NSRP1: variants seen among roughly 807,000 people sequenced by gnomAD.
The protein encoded by NSRP1 is nuclear speckle splicing regulatory protein 1, also known as coiled-coil domain containing 55.
In NSRP1, 24 loss-of-function variants were observed where a neutral mutation model predicts 54.7. The ratio of observed to expected loss-of-function variants is 0.44; its 90% CI spans 0.32 to 0.62. The LOEUF (loss-of-function observed/expected upper bound fraction) is 0.62, where lower values mean the gene tolerates loss of function less well. NSRP1 is among the 20% of genes least tolerant of loss of function. NSRP1 has a pLI of 0.06. For missense variants in NSRP1, 596 were observed against 651.2 expected (o/e 0.92, Z 0.92); for synonymous variants, 210 against 213.8 (o/e 0.98, Z 0.15).
At chr17:30,182,803 G>A (rs894289882) in intron 6 of NSRP1, among the ~76,000 whole-genome samples, 1 of 150,428 alleles carries the variant, frequency 6.6e-6, no homozygotes, top group Non-Finnish European at 1.5e-5. Flanking sequence ...GCGTGGTGGC[G>A]GGCGCCTGTT....
chr17:30,157,895 G>T (rs994722021), intron 2 of NSRP1, among the ~76,000 whole-genome samples: 3 of 152,116 alleles, frequency 2.0e-5, no homozygotes, highest in African/African-American at 7.2e-5. Context: ...CCGTTTATCT[G>T]TTGCTGGGCA....
chr17:30,180,807 C>A (rs117046055), intron 5 of NSRP1, 101 bp from the exon 6 acceptor site: 3 of 704,642 alleles, frequency 4.3e-6, no homozygotes, highest in Non-Finnish European at 7.3e-6. Flanking sequence ...CCTGATCCAG[C>A]GAGTAGTTTA....
At chr17:30,135,109 TTTTA>T (rs1567792472) in intron 2 of NSRP1, among the ~76,000 whole-genome samples, 3 of 151,944 alleles carry the variant, frequency 2.0e-5, no homozygotes, top group African/African-American at 7.3e-5. Context: ...ATCATAATTG[TTTTA>T]TTTCTTTCTT....
At chr17:30,141,020 T>C (rs539301582) in intron 2 of NSRP1, among the ~76,000 whole-genome samples, 1 of 152,302 alleles carries the variant, frequency 6.6e-6, no homozygotes, top group African/African-American at 2.4e-5. Flanking sequence ...GAGGTCTTGC[T>C]GTGTTGTCCA....
chr17:30,151,952 A>G (rs2071915679), intron 2 of NSRP1, among the ~76,000 whole-genome samples: 1 of 151,246 alleles, frequency 6.6e-6, no homozygotes, highest in Non-Finnish European at 1.5e-5. Flanking sequence ...TATTTTTAGT[A>G]GATACAGGGT....
chr17:30,184,054 T>C (rs1905415473), intron 6 of NSRP1, among the ~76,000 whole-genome samples: 1 of 152,084 alleles, frequency 6.6e-6, no homozygotes, highest in African/African-American at 2.4e-5. Context: ...ATACAAAAAT[T>C]AGCTGGGCAT....
intron 2 of NSRP1, among the ~76,000 whole-genome samples, chr17:30,170,472 G>C (rs1306327463): frequency 6.6e-6 from 1 of 151,940 alleles, no homozygotes; most frequent in Non-Finnish European, 1.5e-5. Context: ...CCCACCCCTA[G>C]TAACCATTGT....
chr17:30,143,708 G>T (rs1402783893), intron 2 of NSRP1, among the ~76,000 whole-genome samples: 1 of 152,058 alleles, frequency 6.6e-6, no homozygotes, highest in Non-Finnish European at 1.5e-5. Flanking sequence ...GCAATAATTG[G>T]AAAACATGTC....
At chr17:30,147,407 G>T (rs2071866205) in intron 2 of NSRP1, among the ~76,000 whole-genome samples, 1 of 152,014 alleles carries the variant, frequency 6.6e-6, no homozygotes, top group African/African-American at 2.4e-5. Flanking sequence ...TGGGATTACA[G>T]GTGTGAGCCA....
intron 3 of NSRP1, among the ~76,000 whole-genome samples, chr17:30,175,333 G>A (rs991305029): frequency 2.0e-5 from 3 of 151,976 alleles, no homozygotes; most frequent in Non-Finnish European, 2.9e-5. Flanking sequence ...TGAACATAAC[G>A]GAGGTTTTTG....
intron 2 of NSRP1, chr17:30,122,349 T>TGTGTGTGTGTATATATA (rs1481107161): frequency 2.8e-5 from 2 of 72,316 alleles, no homozygotes; most frequent in African/African-American, 1.1e-4. Flanking sequence ...ATAACTCTGG[T>TGTGTGTGTGTATATATA]TTCATATATA....
chr17:30,139,458 A>C (rs1166816543), intron 2 of NSRP1, among the ~76,000 whole-genome samples: 1 of 152,044 alleles, frequency 6.6e-6, no homozygotes, highest in Admixed American at 6.6e-5. Flanking sequence ...ATCCAGTTTC[A>C]TTAAGTTTTC....
intron 6 of NSRP1, among the ~76,000 whole-genome samples, chr17:30,183,524 T>TA (rs1479494428): frequency 6.6e-6 from 1 of 152,224 alleles, no homozygotes; most frequent in African/African-American, 2.4e-5. Flanking sequence ...TTGTACTTCT[T>TA]AGAGTCTAAT....
chr17:30,150,923 G>GGTGATC, intron 2 of NSRP1, among the ~76,000 whole-genome samples: 1 of 150,608 alleles, frequency 6.6e-6, no homozygotes, highest in East Asian at 2.0e-4. Context: ...CCTGACCTTA[G>GGTGATC]GTGATCTGCT....
At chr17:30,127,596 T>C (rs922162704) in intron 2 of NSRP1, among the ~76,000 whole-genome samples, 1 of 152,122 alleles carries the variant, frequency 6.6e-6, no homozygotes, top group African/African-American at 2.4e-5. Flanking sequence ...TTATTTTTTG[T>C]AGAGACAGGG....
In NSRP1 at chr17:30,177,491, G is replaced by C. The variant is rs143919844; in HGVS notation, c.172-580G>C. Among the ~76,000 whole-genome samples the C allele has an allele frequency of 1.6e-3, 237 of 152,256 alleles. 1 individual carries two copies. The highest frequency in any genetic ancestry group is 5.4e-3 in the African/African-American group (225 of 41,552). ...ATGGGCTCATAGAAGAAGTAGGGCTGGCCCTGAAACACTGGGTAAGATTTT... is the reference window on the plus strand; with the variant it reads ...ATGGGCTCATAGAAGAAGTAGGGCTCGCCCTGAAACACTGGGTAAGATTTT... On this transcript the variant is annotated intron_variant, in intron 3 of 6. Coordinates refer to ENST00000247026, the MANE Select transcript of NSRP1 (RefSeq NM_032141.4).
chr17:30,125,608 C>T lies in NSRP1; in HGVS notation c.114+7435C>T, dbSNP rs151261827. 9.3e-3 allele frequency among the ~76,000 whole-genome samples: 1,416 copies of T among 152,226 alleles called. 10 individuals carry two copies. Among genetic ancestry groups the T allele is most frequent in the Non-Finnish European group, 0.015 (1,001 of 68,000 alleles). ...TGTCATCCAGGCTGGAGTGCAGTGG[C>T]GGCATCTCGGGTCACTGCAGCCTCC... On this transcript the variant is annotated intron_variant, in intron 2 of 6. Transcript: ENST00000247026.
intron 2 of NSRP1, among the ~76,000 whole-genome samples, chr17:30,123,553 A>G (rs2071623259): frequency 6.6e-6 from 1 of 152,142 alleles, no homozygotes; most frequent in Non-Finnish European, 1.5e-5. Flanking sequence ...ATATCCTTCG[A>G]AGCACAAAAG....
intron 2 of NSRP1, among the ~76,000 whole-genome samples, chr17:30,132,513 C>A (rs563043741): frequency 2.6e-4 from 40 of 152,260 alleles, no homozygotes; most frequent in African/African-American, 9.6e-4. Context: ...AAGATCATGC[C>A]ACTGCACTCC....
Sources: allele counts gnomAD v4.1 joint callset (sites outside exome capture counted in the v4.1 genomes callset), GRCh38; gene constraint gnomAD v4.1.1; transcripts MANE v1.5; gene names NCBI Gene and HGNC (gene_info 2026-07-23, HGNC 2026-07-21).